Variants in DOT1L observed in about 807,000 individuals in gnomAD.
DOT1L encodes the protein DOT1 like histone lysine methyltransferase.
In DOT1L, 33 loss-of-function variants were observed where a neutral mutation model predicts 153.3. That is an observed-to-expected ratio of 0.22 (90% CI 0.16 to 0.29). The LOEUF (loss-of-function observed/expected upper bound fraction) is 0.29. Among genes scored for constraint, DOT1L ranks in the 10% least tolerant of loss-of-function variants. DOT1L has a pLI of 1.00. For synonymous variants in DOT1L, 1,135 were observed against 965.1 expected (o/e 1.18, Z -3.26); for missense variants, 1,847 against 2,119.9 (o/e 0.87, Z 2.53).
intron 9 of DOT1L, among the ~76,000 whole-genome samples, chr19:2,203,005 T>A (rs959323681): frequency 6.6e-5 from 10 of 152,324 alleles, no homozygotes; most frequent in African/African-American, 1.9e-4. Flanking sequence ...CACTGCAACC[T>A]CCGCCTCCCG....
rs71337121 is a variant in DOT1L at position 2,174,958 on chromosome 19, A to ATGTGTGTGTGTG, written c.82-5729_82-5718dup. Among the ~76,000 whole-genome samples the ATGTGTGTGTGTG allele has an allele frequency of 2.6e-3, 341 of 130,020 alleles. 2 individuals are homozygous for ATGTGTGTGTGTG. The highest frequency in any genetic ancestry group is 7.9e-3 in the Middle Eastern group (2 of 252). The allele number at this position is 130,020 out of a possible 152,430, so 85.3% of individuals were successfully genotyped here. The stretch of plus-strand genomic sequence containing the variant: ...GATCTCTTTTTAAGTTTTTAAATAT[A>ATGTGTGTGTGTG]TGTGTGTGTGTGTGTGTGTGTGTGT... On this transcript the variant is annotated intron_variant, in intron 1 of 27. Coordinates refer to ENST00000398665, the MANE Select transcript of DOT1L (RefSeq NM_032482.3).
chr19:2,202,482 G>GC (rs1382594456), intron 8 of DOT1L, among the ~76,000 whole-genome samples: 1 of 152,176 alleles, frequency 6.6e-6, no homozygotes, highest in African/African-American at 2.4e-5. Flanking sequence ...CACGAATCCT[G>GC]CCCCCTCTGT....
At chr19:2,209,118 C>A (rs2023614848) in intron 12 of DOT1L, 142 bp downstream of exon 12, 1 of 853,032 alleles carries the variant, frequency 1.2e-6, no homozygotes, top group Non-Finnish European at 1.8e-6. Flanking sequence ...TGTGCCCTTT[C>A]CCGCCTCCTT....
rs754760421 is a variant in DOT1L, at chr19:2,226,802, C to T, written c.4281C>T (p.Phe1427=). The T allele has an allele frequency of 3.2e-6, 5 of 1,580,848 alleles. 1 individual carries two copies. The South Asian group carries it at 5.7e-5, about 18-fold the overall frequency. The change falls in exon 27 of 28, where the codon TTC becomes TTT. Residue 1427 remains phenylalanine, a synonymous_variant. Transcript: ENST00000398665. ...ACCTCAAGAATGGCCACAACCTCTT[C>T]ATCTCTGCGGCGGCCGTGCCTCCCG... The part of the protein sequence containing the change: ...EVDLKNGHNL[F]ISAAAVPPGS...
At chr19:2,225,325 C>T (rs1398649584) in intron 25 of DOT1L, 63 bp from the exon 26 acceptor site, 1 of 1,512,214 alleles carries the variant, frequency 6.6e-7, no homozygotes, top group Non-Finnish European at 9.2e-7. Flanking sequence ...TGGCTGTCAG[C>T]ATTTGTGTCA....
At position 2,193,177 on chromosome 19, in the gene DOT1L, G is replaced by A. The variant is rs759714083; in HGVS notation, c.494-512G>A. 1.3e-5 allele frequency among the ~76,000 whole-genome samples: 2 copies of A among 152,194 alleles called. No homozygotes were observed. The highest frequency in any genetic ancestry group is 2.9e-5 in the Non-Finnish European group (2 of 68,038). On this transcript the variant is annotated intron_variant, in intron 5 of 27. Coordinates refer to ENST00000398665, the MANE Select transcript of DOT1L (RefSeq NM_032482.3). The surrounding 1 kb of genome is among the most constrained non-coding windows in gnomAD (Gnocchi z 5.9). ...TGTGCTGATGCTGTGAAACCGCAGC[G>A]GCCGGGAGACTGTCCTGGCTGCGGG...
Position 2,220,141 on chromosome 19 carries a change from G to A in DOT1L, c.2725G>A (p.Asp909Asn). The A allele has an allele frequency of 6.2e-7, 1 of 1,612,880 alleles. No homozygotes were observed. ...CCCCAGTCCCGTGCTGCAGCCCCGT[G>A]ACCCCTCGTCCACACTTGAAAAGCA... ...STPSPVLQPR[D>N]PSSTLEKQIG... Residue 909 changes from aspartate (D) to asparagine (N), a missense_variant, in exon 23 of 28, where the codon GAC becomes AAC. Around this residue, in one of 8 missense-constraint regions of DOT1L, gnomAD observed 68 missense variants for 80.7 expected, o/e 0.84. Transcript: ENST00000398665. The surrounding 1 kb of genome is among the most constrained non-coding windows in gnomAD (Gnocchi z 4.5).
rs1259767913 is a variant in DOT1L at position 2,214,599 on chromosome 19, G to C, written c.1923+3G>C. On this transcript the variant is annotated splice_donor_region_variant and intron_variant, in intron 19 of 27. Coordinates refer to ENST00000398665, the MANE Select transcript of DOT1L (RefSeq NM_032482.3). ...AGAGGCACTGCCTGGAGCTGCAGGT[G>C]GGCTGCGCGCGAGGCTGCACTCCGT... 2 of 1,611,924 alleles carry C rather than the reference G, an allele frequency of 1.2e-6. No homozygotes were observed.
In DOT1L at chr19:2,207,588, A is replaced by C. The variant is rs1375083459; in HGVS notation, c.871A>C (p.Met291Leu). Residue 291 changes from methionine to leucine, a missense_variant, in exon 11 of 28, where the codon ATG (methionine) becomes CTG (leucine). Met to Leu is a conservative substitution (Grantham distance 15). Coordinates refer to ENST00000398665, the MANE Select transcript of DOT1L (RefSeq NM_032482.3). The surrounding 1 kb of genome is among the most constrained non-coding windows in gnomAD (Gnocchi z 4.5). ...GGCTCCTGCAGACATCGGCACCATC[A>C]TGCGCGTGGTGGAGCTCTCGCCCCT... is the stretch of plus-strand genomic sequence containing the variant. ...SRNLSDIGTI[M>L]RVVELSPLKG... is the part of the protein sequence containing the mutation. The C allele has an allele frequency of 6.2e-7, 1 of 1,610,934 alleles. No individual in the cohort carries two copies. The highest frequency in any genetic ancestry group is 8.5e-7 in the Non-Finnish European group (1 of 1,179,540).
Position 2,230,957 on chromosome 19 carries a change from G to A in DOT1L, c.*1165G>A, listed in dbSNP as rs1453444985. The A allele has an allele frequency of 3.9e-6, 1 of 258,702 alleles. No homozygotes were observed. The highest frequency in any genetic ancestry group is 7.3e-6 in the Non-Finnish European group (1 of 136,412). 16.0% of individuals were successfully genotyped at this position (258,702 alleles called of 1,614,324 possible). ...CTGCTGTGGGTGTGCTGGGGCCAGG[G>A]TGCACTGCTGAAACCTGGCCTCTCT... On this transcript the variant is annotated 3_prime_UTR_variant, in exon 28 of 28. Coordinates refer to ENST00000398665, the MANE Select transcript of DOT1L (RefSeq NM_032482.3).
intron 8 of DOT1L, among the ~76,000 whole-genome samples, chr19:2,201,327 C>T (rs892265670): frequency 3.3e-5 from 5 of 151,578 alleles, no homozygotes; most frequent in Admixed American, 1.3e-4. Flanking sequence ...CTGCATTCCT[C>T]GTCCTCCCTG....
intron 9 of DOT1L, among the ~76,000 whole-genome samples, chr19:2,203,363 A>G (rs920164029): frequency 1.3e-5 from 2 of 152,144 alleles, no homozygotes; most frequent in Admixed American, 6.5e-5. Flanking sequence ...GGCCCCCGCA[A>G]AGTTTTGAGA....
chr19:2,208,591 C>T lies in DOT1L; in HGVS notation c.964-344C>T, dbSNP rs545408555. 6.6e-6 allele frequency among the ~76,000 whole-genome samples: 1 copy of T among 152,330 alleles called. No individual in the cohort carries two copies. Among genetic ancestry groups the T allele is most frequent in the African/African-American group, 2.4e-5 (1 of 41,574 alleles). ...CCTGGCACTGACGCCCTCGGCGCAG[C>T]CTCTCGCCTTCTCCTCTGAGGCGGG... On this transcript the variant is annotated intron_variant, in intron 11 of 27. Coordinates refer to ENST00000398665, the MANE Select transcript of DOT1L (RefSeq NM_032482.3). This position sits in a 1 kb window ranked among gnomAD's most constrained non-coding sequence, Gnocchi z 4.4.
At chr19:2,175,387 A>G (rs1320971527) in intron 1 of DOT1L, among the ~76,000 whole-genome samples, 4 of 152,142 alleles carry the variant, frequency 2.6e-5, no homozygotes, top group South Asian at 2.1e-4. Context: ...TGTGGCCTCA[A>G]ACTCCTGGGC....
intron 1 of DOT1L, among the ~76,000 whole-genome samples, chr19:2,168,186 G>A (rs913234016): frequency 1.8e-4 from 28 of 152,186 alleles, no homozygotes; most frequent in Non-Finnish European, 4.0e-4. Flanking sequence ...AATGAAGACA[G>A]GCCGGGCACA....
chr19:2,196,294 C>T (rs938290701), intron 7 of DOT1L, among the ~76,000 whole-genome samples: 3 of 152,216 alleles, frequency 2.0e-5, no homozygotes, highest in African/African-American at 7.2e-5. Flanking sequence ...GGCAGATGAA[C>T]CTTTTGGAGG....
At chr19:2,189,305 G>A (rs114302097) in intron 3 of DOT1L, among the ~76,000 whole-genome samples, 3,242 of 152,270 alleles carry the variant, frequency 0.021, 113 homozygotes, top group African/African-American at 0.074. Context: ...GACCCCAGCC[G>A]TTCACCTGCC....
At chr19:2,221,311 T>A (rs981739403) in intron 23 of DOT1L, 8 of 152,914 alleles carry the variant, frequency 5.2e-5, no homozygotes, top group African/African-American at 1.9e-4. Context: ...CCCGGGCAGT[T>A]CTGCCCTCGC....
chr19:2,225,322 C>G, intron 25 of DOT1L, 66 bp from the exon 26 acceptor site: 1 of 1,506,452 alleles, frequency 6.6e-7, no homozygotes, highest in Non-Finnish European at 9.2e-7. Flanking sequence ...TGTTGGCTGT[C>G]AGCATTTGTG....
Sources: gnomAD v4.1 joint callset for allele counts (sites outside exome capture counted in the v4.1 genomes callset) on GRCh38, gnomAD v4.1.1 for gene constraint, gnomAD v4.1.1 regional missense constraint, Gnocchi (gnomAD v3.1) non-coding constraint, MANE v1.5 for transcripts, NCBI Gene and HGNC (gene_info 2026-07-23, HGNC 2026-07-21) for gene names.